FRMD6: variants seen among roughly 807,000 people sequenced by gnomAD.
The protein encoded by FRMD6 is FERM domain-containing protein 6.
FRMD6 carries 37 observed loss-of-function variants against 73.2 expected under a neutral mutation model. That is an observed-to-expected ratio of 0.51 (90% CI 0.39 to 0.66). The LOEUF is 0.66. Among genes scored for constraint, FRMD6 ranks in the 30% least tolerant of loss-of-function variants. The probability of loss-of-function intolerance (pLI) is 0.00; values close to 1 mark genes in which losing one functional copy is unlikely to be tolerated. For missense variants in FRMD6, 714 were observed against 780.5 expected (o/e 0.91, Z 1.02); for synonymous variants, 273 against 282.2 (o/e 0.97, Z 0.33).
At chr14:51,611,873 T>C (rs984394629) in intron 2 of FRMD6, among the ~76,000 whole-genome samples, 6 of 152,120 alleles carry the variant, frequency 3.9e-5, no homozygotes, top group African/African-American at 1.2e-4. Flanking sequence ...ATTATGCTAA[T>C]GAAGATTATA....
intron 1 of FRMD6, among the ~76,000 whole-genome samples, chr14:51,503,589 G>C (rs1463837473): frequency 6.6e-6 from 1 of 152,060 alleles, no homozygotes; most frequent in Non-Finnish European, 1.5e-5. Flanking sequence ...TGGTGGATAA[G>C]CTTTTTAACA....
chr14:51,424,202 A>C, the FRMD6 span, among the ~76,000 whole-genome samples: 2 of 152,296 alleles, frequency 1.3e-5, no homozygotes, highest in East Asian at 3.9e-4. Flanking sequence ...ACAATAGTTA[A>C]AGGGGAAGTA....
At chr14:51,648,705 C>A (rs933297762), upstream of FRMD6, among the ~76,000 whole-genome samples, 1 of 152,172 alleles carries the variant, frequency 6.6e-6, no homozygotes, top group South Asian at 2.1e-4. Context: ...TGTTAACTCA[C>A]GTGTCTGTTC....
At chr14:51,408,757 CTTTA>C in the FRMD6 span, among the ~76,000 whole-genome samples, 1 of 151,928 alleles carries the variant, frequency 6.6e-6, no homozygotes, top group Non-Finnish European at 1.5e-5. Flanking sequence ...ATTTTCAGTT[CTTTA>C]TTTTTCTGCT....
At position 51,719,117 on chromosome 14, in the gene FRMD6, C is replaced by T. The variant is rs148361219; in HGVS notation, c.1025-938C>T. Among the ~76,000 whole-genome samples the T allele has an allele frequency of 4.4e-3, 669 of 152,316 alleles. 10 individuals carry two copies. The highest frequency in any genetic ancestry group is 0.016 in the African/African-American group (647 of 41,572). ...TTAAAAAGGCAAGGAATCTAAACTT[C>T]TTCCTTGTTTTACATTTCTGACCTG... On this transcript the variant is annotated intron_variant, in intron 10 of 13. Coordinates refer to ENST00000344768, the MANE Select transcript of FRMD6 (RefSeq NM_001267046.2).
intron 2 of FRMD6, among the ~76,000 whole-genome samples, chr14:51,590,323 C>T (rs982768513): frequency 1.3e-5 from 2 of 152,104 alleles, no homozygotes; most frequent in Admixed American, 6.5e-5. Context: ...GCAGCCTCTT[C>T]GATTTTTTTG....
the FRMD6 span, among the ~76,000 whole-genome samples, chr14:51,398,879 A>T: frequency 1.3e-5 from 2 of 152,108 alleles, no homozygotes; most frequent in Middle Eastern, 3.4e-3. Context: ...AGATCTGCTC[A>T]CTCCTTGGCT....
At chr14:51,457,302 CAT>C in the FRMD6 span, among the ~76,000 whole-genome samples, 3 of 151,366 alleles carry the variant, frequency 2.0e-5, no homozygotes, top group Admixed American at 1.3e-4. Flanking sequence ...GAATTGAAAA[CAT>C]AGGCAATAAC....
In FRMD6 at chr14:51,689,880, G is replaced by A. The variant is rs1256364872; in HGVS notation, c.44G>A (p.Arg15His). ...NFHNNRVMQD[R>H]RSVCIFLPND... ...CATAACAACAGAGTCATGCAAGACC[G>A]CCGCAGTGTGTGCATTTTCCTTCCC... Residue 15 changes from arginine to histidine, a missense_variant, in exon 2 of 14, where the codon CGC becomes CAC. Physicochemically the swap from Arg to His is conservative, Grantham distance 29 (BLOSUM62 0). Coordinates refer to ENST00000344768, the MANE Select transcript of FRMD6 (RefSeq NM_001267046.2). 1.2e-6 allele frequency: 2 copies of A among 1,613,486 alleles called. No homozygotes were observed. Among genetic ancestry groups the A allele is most frequent in the African/African-American group, 1.3e-5 (1 of 75,028 alleles).
At chr14:51,633,591 A>G (rs1461439743) in intron 2 of FRMD6, among the ~76,000 whole-genome samples, 3 of 89,926 alleles carry the variant, frequency 3.3e-5, no homozygotes, top group Non-Finnish European at 6.4e-5. Flanking sequence ...ACAGAACAAG[A>G]CCCTGTCAAA....
At chr14:51,529,461 C>T (rs1213142444) in intron 1 of FRMD6, among the ~76,000 whole-genome samples, 3 of 151,892 alleles carry the variant, frequency 2.0e-5, no homozygotes, top group Non-Finnish European at 4.4e-5. Context: ...ACATATTTAT[C>T]ATCATACACA....
Position 51,704,554 on chromosome 14 carries a change from G to A in FRMD6, c.372-195G>A, listed in dbSNP as rs944143991. ...TATTGTCTGGATAGTCTGATTTGGG[G>A]TTCTGACCCCCTGCAACCTCAGTGA... On this transcript the variant is annotated intron_variant, in intron 5 of 13. Transcript: ENST00000344768. The A allele has an allele frequency of 7.4e-6, 4 of 540,516 alleles. No individual in the cohort carries two copies. In the African/African-American group the frequency reaches 7.5e-5, roughly 10 times the overall value. 33.5% of individuals were successfully genotyped at this position (540,516 alleles called of 1,614,324 possible).
intron 1 of FRMD6, among the ~76,000 whole-genome samples, chr14:51,489,826 C>T (rs1182151376): frequency 6.6e-6 from 1 of 152,172 alleles, no homozygotes; most frequent in Non-Finnish European, 1.5e-5. Context: ...ACCAGAAGAC[C>T]GGTCCCTTTG....
At chr14:51,454,056 C>T in the FRMD6 span, among the ~76,000 whole-genome samples, 6 of 152,250 alleles carry the variant, frequency 3.9e-5, no homozygotes, top group Non-Finnish European at 5.9e-5. Context: ...CAGAGAGAGC[C>T]GATGCCCCGC....
At chr14:51,642,499 G>C (rs561298237) in intron 2 of FRMD6, among the ~76,000 whole-genome samples, 1 of 152,288 alleles carries the variant, frequency 6.6e-6, no homozygotes, top group African/African-American at 2.4e-5. Context: ...TCACGCCATT[G>C]CCCTCCATCC....
the FRMD6 span, among the ~76,000 whole-genome samples, chr14:51,473,746 G>T: frequency 6.6e-6 from 1 of 151,946 alleles, no homozygotes; most frequent in African/African-American, 2.4e-5. Flanking sequence ...CACCCTTGAG[G>T]CAGGAGCATC....
chr14:51,489,155 G>C (rs1204365497), exon 1 of FRMD6: 1 of 152,100 alleles, frequency 6.6e-6, no homozygotes, highest in Non-Finnish European at 1.5e-5. Flanking sequence ...AAGGGTGTTG[G>C]GTGAACTAAC....
chr14:51,632,781 C>T (rs944417296), intron 2 of FRMD6, among the ~76,000 whole-genome samples: 45 of 152,334 alleles, frequency 3.0e-4, no homozygotes, highest in African/African-American at 1.1e-3. Context: ...CTGATTGAGA[C>T]ACTGGTTAAT....
the FRMD6 span, among the ~76,000 whole-genome samples, chr14:51,419,186 C>T: frequency 6.6e-6 from 1 of 152,190 alleles, no homozygotes; most frequent in Admixed American, 6.5e-5. Flanking sequence ...TGGGCTGTGC[C>T]CACTGTCCAA....
Sources: gnomAD v4.1 joint callset for allele counts (sites outside exome capture counted in the v4.1 genomes callset) on GRCh38, gnomAD v4.1.1 for gene constraint, MANE v1.5 for transcripts, NCBI Gene and HGNC (gene_info 2026-07-23, HGNC 2026-07-21) for gene names.